SAMMSON: variants seen among roughly 807,000 people sequenced by gnomAD.
SAMMSON encodes the protein survival associated mitochondrial melanoma specific oncogenic non-coding RNA.
At chr3:70,187,836 G>A (rs1701103557) in intron 4 of SAMMSON, among the ~76,000 whole-genome samples, 1 of 151,848 alleles carries the variant, frequency 6.6e-6, no homozygotes, top group Non-Finnish European at 1.5e-5. Flanking sequence ...TTTTTTCTGG[G>A]CAAAGGCAAC....
At chr3:70,090,246 A>G (rs992075002) in intron 4 of SAMMSON, among the ~76,000 whole-genome samples, 23 of 152,118 alleles carry the variant, frequency 1.5e-4, no homozygotes, top group Admixed American at 7.2e-4. Context: ...ATAAATTATT[A>G]TTTTTTCTCT....
intron 4 of SAMMSON, among the ~76,000 whole-genome samples, chr3:70,076,130 T>C (rs1385014731): frequency 6.6e-6 from 1 of 152,102 alleles, no homozygotes; most frequent in African/African-American, 2.4e-5. Flanking sequence ...TTCTGAAGTG[T>C]TAACATGTCA....
chr3:70,409,473 A>T, intron 2 of SAMMSON, among the ~76,000 whole-genome samples: 1 of 152,254 alleles, frequency 6.6e-6, no homozygotes, highest in South Asian at 2.1e-4. Context: ...CTTAAAAAAA[A>T]AAAAAGAATT....
chr3:70,203,482 C>T (rs890063051), intron 4 of SAMMSON, among the ~76,000 whole-genome samples: 1 of 152,100 alleles, frequency 6.6e-6, no homozygotes, highest in East Asian at 1.9e-4. Flanking sequence ...TAAGTTCAGA[C>T]AAGCACAACT....
intron 9 of SAMMSON, among the ~76,000 whole-genome samples, chr3:70,362,888 A>C (rs1176625080): frequency 3.3e-5 from 5 of 151,512 alleles, no homozygotes; most frequent in Non-Finnish European, 7.4e-5. Flanking sequence ...GAGTATAGAA[A>C]ACATGTTAGA....
At chr3:70,430,172 A>G (rs908860460) in intron 2 of SAMMSON, among the ~76,000 whole-genome samples, 1 of 152,170 alleles carries the variant, frequency 6.6e-6, no homozygotes. Context: ...AGTTTTTAGC[A>G]TGAAGCGGTG....
At chr3:70,137,507 A>T (rs1254540828) in intron 4 of SAMMSON, 1 of 151,952 alleles carries the variant, frequency 6.6e-6, no homozygotes, top group Non-Finnish European at 1.5e-5. Context: ...AATCATGCTC[A>T]TTTTTTTTAC....
intron 4 of SAMMSON, chr3:70,126,766 AGTG>A: frequency 8.6e-6 from 2 of 231,704 alleles, no homozygotes; most frequent in East Asian, 1.3e-4. Context: ...CCTAGGCTGG[AGTG>A]CAGTGGCACA....
intron 7 of SAMMSON, among the ~76,000 whole-genome samples, chr3:70,346,812 T>C (rs532395277): frequency 6.6e-6 from 1 of 152,202 alleles, no homozygotes; most frequent in Non-Finnish European, 1.5e-5. Flanking sequence ...AAATGTAATG[T>C]TAGTATTTTA....
intron 4 of SAMMSON, among the ~76,000 whole-genome samples, chr3:70,086,619 C>T (rs1437724497): frequency 6.6e-6 from 1 of 152,160 alleles, no homozygotes; most frequent in African/African-American, 2.4e-5. Context: ...CAAGTCCTCC[C>T]AGGCCTGGTA....
At chr3:70,023,360 C>T (rs979177883) in intron 3 of SAMMSON, among the ~76,000 whole-genome samples, 2 of 151,524 alleles carry the variant, frequency 1.3e-5, no homozygotes, top group African/African-American at 4.9e-5. Context: ...ACTTGGGAGG[C>T]TGAGGCAGGA....
chr3:70,119,059 T>G (rs2067422559), intron 4 of SAMMSON, among the ~76,000 whole-genome samples: 1 of 152,180 alleles, frequency 6.6e-6, no homozygotes, highest in Admixed American at 6.6e-5. Flanking sequence ...AAAACTACTC[T>G]TATTTATTTA....
intron 7 of SAMMSON, among the ~76,000 whole-genome samples, chr3:70,316,167 A>C (rs1419249191): frequency 2.6e-5 from 4 of 152,168 alleles, no homozygotes; most frequent in African/African-American, 9.6e-5. Flanking sequence ...CTAACAGAGT[A>C]ATCTGCAAGA....
chr3:70,299,820 A>G (rs1186643824), intron 7 of SAMMSON, among the ~76,000 whole-genome samples: 1 of 152,062 alleles, frequency 6.6e-6, no homozygotes, highest in Admixed American at 6.6e-5. Context: ...CCAACCTCAC[A>G]TATATTTTAT....
At chr3:70,179,256 T>G (rs951181860) in intron 4 of SAMMSON, among the ~76,000 whole-genome samples, 2 of 152,232 alleles carry the variant, frequency 1.3e-5, no homozygotes, top group Non-Finnish European at 2.9e-5. Context: ...CCCTTCTCAC[T>G]TCTTAAACCT....
intron 2 of SAMMSON, among the ~76,000 whole-genome samples, chr3:70,430,833 A>G (rs1350456822): frequency 1.3e-5 from 2 of 152,188 alleles, no homozygotes; most frequent in Non-Finnish European, 2.9e-5. Context: ...CTCAATTGCA[A>G]TATAGTTATA....
intron 7 of SAMMSON, chr3:70,302,565 G>A (rs1322872501): frequency 6.6e-6 from 1 of 152,030 alleles, no homozygotes; most frequent in Non-Finnish European, 1.5e-5. Context: ...TCTATTAAAA[G>A]GTGTAACTTT....
chr3:70,212,051 C>T (rs1002793405), intron 4 of SAMMSON, among the ~76,000 whole-genome samples: 3 of 152,034 alleles, frequency 2.0e-5, no homozygotes, highest in African/African-American at 7.2e-5. Flanking sequence ...TCCTACCCTG[C>T]CCTTGAAGGC....
At chr3:70,421,711 G>A (rs1701314845) in intron 2 of SAMMSON, among the ~76,000 whole-genome samples, 1 of 152,110 alleles carries the variant, frequency 6.6e-6, no homozygotes, top group South Asian at 2.1e-4. Context: ...CCTCCTGATA[G>A]AATATTGAAA....
Sources: allele counts gnomAD v4.1 joint callset (sites outside exome capture counted in the v4.1 genomes callset), GRCh38; gene constraint gnomAD v4.1.1; transcripts MANE v1.5; gene names NCBI Gene and HGNC (gene_info 2026-07-23, HGNC 2026-07-21).